The following EDAR variants were observed in gnomAD, a reference collection of about 807,000 sequenced individuals.
The protein encoded by EDAR is ectodysplasin A receptor, also known as tumor necrosis factor receptor superfamily member EDAR.
EDAR carries 38 observed loss-of-function variants against 51.3 expected under a neutral mutation model. The observed-to-expected ratio is 0.74, with a 90% CI of 0.57 to 0.97. EDAR has a LOEUF of 0.97. Ranked by LOEUF, EDAR falls within the 50% of genes least tolerant of loss-of-function variation. The pLI is 0.00. For synonymous variants in EDAR, 227 were observed against 242.1 expected, an observed-to-expected ratio of 0.94 and a Z score of 0.58; for missense variants, 528 against 595.0, an observed-to-expected ratio of 0.89 and a Z score of 1.17.
At chr2:108,939,176 C>T (rs1697539400) in intron 1 of EDAR, among the ~76,000 whole-genome samples, 1 of 151,826 alleles carries the variant, frequency 6.6e-6, no homozygotes, top group African/African-American at 2.4e-5. Flanking sequence ...CTCATCCTTC[C>T]ATTTGTTGTT....
intron 1 of EDAR, among the ~76,000 whole-genome samples, chr2:108,967,488 A>G (rs1397197077): frequency 6.6e-6 from 1 of 152,086 alleles, no homozygotes; most frequent in Non-Finnish European, 1.5e-5. Context: ...CGGGTCTCCT[A>G]CTTGTCTTTT....
intron 1 of EDAR, among the ~76,000 whole-genome samples, chr2:108,979,313 C>T (rs1042038176): frequency 3.9e-5 from 6 of 152,274 alleles, no homozygotes; most frequent in South Asian, 4.1e-4. Flanking sequence ...TTCCATTTGG[C>T]GAACCTCACT....
intron 1 of EDAR, among the ~76,000 whole-genome samples, chr2:108,960,401 T>C (rs1698015927): frequency 6.6e-6 from 1 of 152,158 alleles, no homozygotes; most frequent in Non-Finnish European, 1.5e-5. Context: ...CCTCTATGGG[T>C]TCACCTGTGG....
intron 5 of EDAR, among the ~76,000 whole-genome samples, chr2:108,922,059 T>TTA (rs1697151998): frequency 6.6e-6 from 1 of 152,236 alleles, no homozygotes; most frequent in Non-Finnish European, 1.5e-5. Context: ...ATTGCTGGAC[T>TTA]TAGAGAGGCG....
rs186176769 is a variant in EDAR, at chr2:108,955,621, T to C, written c.-18-24589A>G. Reference sequence around the variant, plus strand: ...TACCTGGGAGACTGAAGCAGGACAATCTTGAGCCCAGGAGGCGGAGGTTGC... The same window carrying C: ...TACCTGGGAGACTGAAGCAGGACAACCTTGAGCCCAGGAGGCGGAGGTTGC... On this transcript the variant is annotated intron_variant, in intron 1 of 11. Coordinates refer to ENST00000258443, the MANE Select transcript of EDAR (RefSeq NM_022336.4). 1.5e-3 allele frequency among the ~76,000 whole-genome samples: 233 copies of C among 152,022 alleles called. 2 individuals carry two copies. Among genetic ancestry groups the C allele is most frequent in the African/African-American group, 5.3e-3 (221 of 41,452 alleles).
At chr2:108,940,614 G>A (rs752758192) in intron 1 of EDAR, among the ~76,000 whole-genome samples, 1 of 152,236 alleles carries the variant, frequency 6.6e-6, no homozygotes, top group Non-Finnish European at 1.5e-5. Flanking sequence ...CAGTGCCGTC[G>A]TCACACAATG....
At chr2:108,954,707 G>A (rs1278702519) in intron 1 of EDAR, among the ~76,000 whole-genome samples, 3 of 149,486 alleles carry the variant, frequency 2.0e-5, no homozygotes, top group East Asian at 3.9e-4. Context: ...ACAGAGTCTC[G>A]CTCTATTGAC....
At chr2:108,987,771 G>GACTGTCATC (rs1698521194) in intron 1 of EDAR, among the ~76,000 whole-genome samples, 1 of 152,182 alleles carries the variant, frequency 6.6e-6, no homozygotes, top group South Asian at 2.1e-4. Flanking sequence ...GGTACACGTG[G>GACTGTCATC]ACTGTCATCG....
At chr2:108,903,037 G>A (rs1359574936) in intron 11 of EDAR, among the ~76,000 whole-genome samples, 1 of 152,160 alleles carries the variant, frequency 6.6e-6, no homozygotes, top group Non-Finnish European at 1.5e-5. Flanking sequence ...TCTTATAAGT[G>A]AATTCAGCAA....
chr2:108,925,890 A>G (rs763845989), intron 4 of EDAR, among the ~76,000 whole-genome samples: 3 of 152,058 alleles, frequency 2.0e-5, no homozygotes, highest in Non-Finnish European at 4.4e-5. Flanking sequence ...TATTGGGATT[A>G]CAGGCGTGAA....
chr2:108,984,646 A>G (rs1405281720), intron 1 of EDAR, among the ~76,000 whole-genome samples: 1 of 151,200 alleles, frequency 6.6e-6, no homozygotes, highest in Non-Finnish European at 1.5e-5. Flanking sequence ...GGCCCCCACT[A>G]CTACCCTGGG....
intron 5 of EDAR, among the ~76,000 whole-genome samples, chr2:108,915,727 A>G (rs1222295518): frequency 6.6e-6 from 1 of 151,608 alleles, no homozygotes. Context: ...TGAAACCCCA[A>G]CTCTACTAAA....
intron 1 of EDAR, among the ~76,000 whole-genome samples, chr2:108,982,273 C>T (rs544345218): frequency 1.3e-5 from 2 of 152,338 alleles, no homozygotes; most frequent in African/African-American, 4.8e-5. Context: ...CCCCATCCAG[C>T]CCACACTGGG....
chr2:108,922,773 A>G (rs1481253791), intron 5 of EDAR, among the ~76,000 whole-genome samples: 1 of 151,866 alleles, frequency 6.6e-6, no homozygotes, highest in East Asian at 1.9e-4. Context: ...CAGACCACAC[A>G]TCTAAGAGTC....
intron 1 of EDAR, among the ~76,000 whole-genome samples, chr2:108,941,042 G>A (rs145547784): frequency 1.1e-3 from 160 of 152,138 alleles, no homozygotes; most frequent in African/African-American, 3.4e-3. Flanking sequence ...GGCTGTCACC[G>A]GTCATCACTA....
intron 10 of EDAR, 74 bp from the exon 11 acceptor site, chr2:108,906,442 G>T: frequency 6.7e-7 from 1 of 1,494,324 alleles, no homozygotes; most frequent in Non-Finnish European, 9.3e-7. Flanking sequence ...CTCCATGTCA[G>T]CAGGGGCAGG....
At chr2:108,972,989 T>C (rs1238479594) in intron 1 of EDAR, among the ~76,000 whole-genome samples, 3 of 152,150 alleles carry the variant, frequency 2.0e-5, no homozygotes, top group Middle Eastern at 3.2e-3. Context: ...TTATTTTAAT[T>C]GAATTTTTTT....
intron 11 of EDAR, among the ~76,000 whole-genome samples, chr2:108,904,469 C>T (rs1696765134): frequency 6.6e-6 from 1 of 152,206 alleles, no homozygotes; most frequent in Admixed American, 6.5e-5. Context: ...GGGTCTTTAT[C>T]CCAGATAAAT....
intron 1 of EDAR, among the ~76,000 whole-genome samples, chr2:108,974,316 C>T (rs1196292025): frequency 4.9e-5 from 5 of 103,040 alleles, no homozygotes; most frequent in Non-Finnish European, 7.0e-5. Context: ...GGAGACAGAG[C>T]GAGGATCCGT....
Sources: allele counts gnomAD v4.1 joint callset (sites outside exome capture counted in the v4.1 genomes callset), GRCh38; gene constraint gnomAD v4.1.1; transcripts MANE v1.5; gene names NCBI Gene and HGNC (gene_info 2026-07-23, HGNC 2026-07-21).